The following EEF1AKMT2 variants were observed in gnomAD, a reference collection of about 807,000 sequenced individuals.
EEF1AKMT2 encodes EEF1A lysine methyltransferase 2.
EEF1AKMT2 carries 32 observed loss-of-function variants against 35.8 expected under a neutral mutation model. The ratio of observed to expected loss-of-function variants is 0.89; its 90% CI spans 0.67 to 1.20. The LOEUF (loss-of-function observed/expected upper bound fraction) is 1.20, where lower values mean the gene tolerates loss of function less well. Ranked by LOEUF, EEF1AKMT2 falls within the 50% of genes most tolerant of loss-of-function variation. The pLI is 0.00. For missense variants in EEF1AKMT2, 330 were observed against 347.5 expected, an observed-to-expected ratio of 0.95 and a Z score of 0.40; for synonymous variants, 121 against 133.7, an observed-to-expected ratio of 0.91 and a Z score of 0.65.
chr10:124,762,106 C>T (rs1414913550), intron 6 of EEF1AKMT2, among the ~76,000 whole-genome samples, 194 bp downstream of exon 6: 1 of 152,194 alleles, frequency 6.6e-6, no homozygotes, highest in Admixed American at 6.5e-5. Context: ...GTGATGTATA[C>T]TGGCCGGGTG....
intron 3 of EEF1AKMT2, among the ~76,000 whole-genome samples, chr10:124,787,153 A>C (rs1301449197): frequency 0.021 from 1 of 48 alleles, no homozygotes; most frequent in Non-Finnish European, 0.042. Flanking sequence ...TCACCGTGTT[A>C]GCCAAGGCAT....
intron 5 of EEF1AKMT2, among the ~76,000 whole-genome samples, chr10:124,764,558 C>CA (rs568953532): frequency 3.9e-5 from 6 of 152,244 alleles, no homozygotes; most frequent in African/African-American, 1.4e-4. Flanking sequence ...GCTAACTAGG[C>CA]AAAAAAGGAT....
chr10:124,779,541 T>A (rs1000076263), intron 3 of EEF1AKMT2, among the ~76,000 whole-genome samples: 1 of 150,642 alleles, frequency 6.6e-6, no homozygotes, highest in Non-Finnish European at 1.5e-5. Flanking sequence ...GGTCAGGAGA[T>A]CGAGACCATC....
At chr10:124,771,052 T>C (rs1950428891) in intron 4 of EEF1AKMT2, among the ~76,000 whole-genome samples, 1 of 152,216 alleles carries the variant, frequency 6.6e-6, no homozygotes, top group Non-Finnish European at 1.5e-5. Context: ...GAATTATAAA[T>C]GTTCTTCACG....
At chr10:124,789,533 G>T (rs545547058) in intron 2 of EEF1AKMT2, among the ~76,000 whole-genome samples, 6 of 152,230 alleles carry the variant, frequency 3.9e-5, no homozygotes, top group Admixed American at 2.6e-4. Context: ...CACGGTGGGA[G>T]GACTGCTTGA....
Position 124,760,283 on chromosome 10 carries a change from A to G in EEF1AKMT2, c.*220T>C. Reference sequence around the variant, plus strand: ...TATTATTTTCTTTCACCAATCCAGTATACTCTATTCAACATGTGCATCCTG... The same window carrying G: ...TATTATTTTCTTTCACCAATCCAGTGTACTCTATTCAACATGTGCATCCTG... On this transcript the variant is annotated 3_prime_UTR_variant, in exon 7 of 7. Transcript: ENST00000368836. 2 of 568,158 alleles carry G rather than the reference A, an allele frequency of 3.5e-6. No homozygotes were observed. Among genetic ancestry groups the G allele is most frequent in the Non-Finnish European group, 6.3e-6 (2 of 316,118 alleles). The allele number at this position is 568,158 out of a possible 1,614,324, so 35.2% of individuals were successfully genotyped here. A position where few individuals can be genotyped will look rare whatever the true frequency, so the allele number is the denominator to read the frequency against.
intron 3 of EEF1AKMT2, among the ~76,000 whole-genome samples, chr10:124,780,598 A>T (rs1950531450): frequency 6.6e-6 from 1 of 152,188 alleles, no homozygotes; most frequent in South Asian, 2.1e-4. Context: ...TGTGGAGTTC[A>T]CGGGGACCTG....
intron 3 of EEF1AKMT2, among the ~76,000 whole-genome samples, chr10:124,779,664 TGTGAACCTGGGAG>T (rs199840783): frequency 0.49 from 68,414 of 138,936 alleles, 18,213 homozygotes; most frequent in South Asian, 0.64. Flanking sequence ...AGGAGAATGG[TGTGAACCTGGGAG>T]GTGGAGCTTG....
At chr10:124,769,248 A>ATATATATATATGTG (rs60863408) in intron 4 of EEF1AKMT2, among the ~76,000 whole-genome samples, 5,401 of 63,374 alleles carry the variant, frequency 0.085, 513 homozygotes, top group East Asian at 0.14. Flanking sequence ...ATATATATAT[A>ATATATATATATGTG]TGTGTGTATA....
At position 124,762,414 on chromosome 10, in the gene EEF1AKMT2, G is replaced by T. The variant is rs1002165525; in HGVS notation, c.761C>A (p.Thr254Lys). Residue 254 changes from threonine (T) to lysine (K), a missense_variant, in exon 6 of 7, where the codon ACG becomes AAG. Thr to Lys is a moderately conservative substitution (Grantham distance 78). Coordinates refer to ENST00000368836, the MANE Select transcript of EEF1AKMT2 (RefSeq NM_212554.4). The stretch of plus-strand genomic sequence containing the variant: ...AGCCTGGACAACATGGCAAAACCTC[G>T]TCTCTGCTAAAAATACAAAAATTAT... ...AWIIFVFLAE[T>K]RFCHVVQAGL... is the part of the protein sequence containing the mutation. 3.9e-6 allele frequency: 5 copies of T among 1,298,082 alleles called. No homozygotes were observed. The highest frequency in any genetic ancestry group is 1.2e-5 in the South Asian group (1 of 80,312). 80.4% of individuals were successfully genotyped at this position (1,298,082 alleles called of 1,614,324 possible).
chr10:124,782,982 T>C, intron 3 of EEF1AKMT2: 1 of 430,056 alleles, frequency 2.3e-6, no homozygotes, highest in Non-Finnish European at 4.6e-6. Flanking sequence ...TACAAGAAAT[T>C]CACTTCAAAT....
chr10:124,790,473 T>C (rs1175522294), intron 1 of EEF1AKMT2, 135 bp from the exon 2 acceptor site: 6 of 660,208 alleles, frequency 9.1e-6, no homozygotes, highest in Non-Finnish European at 1.4e-5. Flanking sequence ...TAAATACACA[T>C]AGTTCAATCT....
At chr10:124,779,955 C>A (rs1209055559) in intron 3 of EEF1AKMT2, among the ~76,000 whole-genome samples, 1 of 151,386 alleles carries the variant, frequency 6.6e-6, no homozygotes, top group Non-Finnish European at 1.5e-5. Flanking sequence ...CCCAGCTACT[C>A]GGGAGGCTGA....
At chr10:124,765,189 G>C (rs1165423053) in intron 5 of EEF1AKMT2, among the ~76,000 whole-genome samples, 2 of 152,132 alleles carry the variant, frequency 1.3e-5, no homozygotes, top group African/African-American at 4.8e-5. Context: ...AATTTTAAAA[G>C]ATCTCTGGAT....
chr10:124,766,543 C>T (rs760688761), intron 4 of EEF1AKMT2, among the ~76,000 whole-genome samples: 2 of 152,018 alleles, frequency 1.3e-5, no homozygotes, highest in Non-Finnish European at 2.9e-5. Flanking sequence ...ATTCTGAAAA[C>T]TCATTTTGAA....
rs1397390082 is a variant in EEF1AKMT2 at position 124,789,049 on chromosome 10, A to G, written c.285T>C (p.Val95=). The G allele has an allele frequency of 1.9e-6, 3 of 1,608,842 alleles. No homozygotes were observed. The highest frequency in any genetic ancestry group is 1.7e-6 in the Non-Finnish European group (2 of 1,178,024). The change falls in exon 3 of 7, where the codon GTT becomes GTC. Residue 95 remains valine, a synonymous_variant. Transcript: ENST00000368836. The part of the protein sequence containing the change: ...DIGTGNGVFL[V]ELAKFGFSNI... ...AAATACTAAAAGTACCAACAAGTTC[A>G]ACCAGGAAAACACCATTTCCAGTTC... is the stretch of plus-strand genomic sequence containing the variant.
At chr10:124,768,141 T>C (rs1005619180) in intron 4 of EEF1AKMT2, among the ~76,000 whole-genome samples, 1 of 152,192 alleles carries the variant, frequency 6.6e-6, no homozygotes, top group African/African-American at 2.4e-5. Flanking sequence ...AAGCTTGACA[T>C]GTTTCAGGAA....
At chr10:124,766,970 G>A (rs544940448) in intron 4 of EEF1AKMT2, among the ~76,000 whole-genome samples, 2 of 151,384 alleles carry the variant, frequency 1.3e-5, no homozygotes, top group South Asian at 4.2e-4. Context: ...GACCATCCTG[G>A]CTAACACGGT....
At chr10:124,767,901 G>A (rs566908502) in intron 4 of EEF1AKMT2, among the ~76,000 whole-genome samples, 14 of 152,296 alleles carry the variant, frequency 9.2e-5, no homozygotes, top group African/African-American at 2.6e-4. Flanking sequence ...CAGGAGAATC[G>A]TTTGAACCCA....
Sources: gnomAD v4.1 joint callset for allele counts (sites outside exome capture counted in the v4.1 genomes callset) on GRCh38, gnomAD v4.1.1 for gene constraint, MANE v1.5 for transcripts, NCBI Gene and HGNC (gene_info 2026-07-23, HGNC 2026-07-21) for gene names.